The following ZSWIM8 variants were observed in gnomAD, a reference collection of about 807,000 sequenced individuals.
The protein encoded by ZSWIM8 is zinc finger SWIM domain-containing protein 8.
Under a neutral mutation model 173.7 loss-of-function variants are expected in ZSWIM8, and 27 were observed. The ratio of observed to expected loss-of-function variants is 0.16; its 90% CI spans 0.11 to 0.21. The LOEUF (loss-of-function observed/expected upper bound fraction) is 0.21. Ranked by LOEUF, ZSWIM8 falls within the 10% of genes least tolerant of loss-of-function variation. The probability of loss-of-function intolerance (pLI) is 1.00; values close to 1 mark genes in which losing one functional copy is unlikely to be tolerated. For missense variants in ZSWIM8, 1,627 were observed against 2,428.8 expected, an observed-to-expected ratio of 0.67 and a Z score of 6.94; for synonymous variants, 958 against 962.0, an observed-to-expected ratio of 1.00 and a Z score of 0.08.
chr10:73,788,561 T>C, intron 1 of ZSWIM8, 109 bp from the exon 2 acceptor site: 1 of 1,350,796 alleles, frequency 7.4e-7, no homozygotes, highest in Non-Finnish European at 1.0e-6. Flanking sequence ...CTTCTTTCTT[T>C]CATAGTGAAG....
Position 73,785,862 on chromosome 10 carries a change from C to CG in ZSWIM8, c.-11dup. 3 of 1,489,872 alleles carry CG rather than the reference C, an allele frequency of 2.0e-6. No homozygotes were observed. The highest frequency in any genetic ancestry group is 2.3e-5 in the Admixed American group (1 of 42,938). The allele number at this position is 1,489,872 out of a possible 1,614,324, so 92.3% of individuals were successfully genotyped here. On this transcript the variant is annotated 5_prime_UTR_variant, in exon 1 of 26. Transcript: ENST00000604729. ...GGATCCGCGGGGGGGGACCCGGCCC[C>CG]GGGGGGTGCGGGCCCCATGGAGCTG...
At position 73,789,861 on chromosome 10, in the gene ZSWIM8, C is replaced by T. The variant is rs760118385; in HGVS notation, c.738+37C>T. On this transcript the variant is annotated intron_variant, in intron 5 of 25. Transcript: ENST00000604729. This position sits in a 1 kb window ranked among gnomAD's most constrained non-coding sequence, Gnocchi z 6.8. ...CGGCACCCCCTCCTGCAATTAGCTC[C>T]GGGCCAGGCCGCATAACAGCCTTCC... 47 of 1,582,046 alleles carry T rather than the reference C, an allele frequency of 3.0e-5. No individual in the cohort carries two copies. Among genetic ancestry groups the T allele is most frequent in the African/African-American group, 1.6e-4 (12 of 73,996 alleles).
In ZSWIM8 at chr10:73,799,387, C is replaced by T; in HGVS notation, c.4562C>T (p.Pro1521Leu). 3 of 1,612,044 alleles carry T rather than the reference C, an allele frequency of 1.9e-6. No homozygotes were observed. Among genetic ancestry groups the T allele is most frequent in the African/African-American group, 2.7e-5 (2 of 74,964 alleles). Residue 1521 changes from proline to leucine, a missense_variant, in exon 21 of 26, where the codon CCC becomes CTC. Transcript: ENST00000604729. ...TACACTGCTCTACAGCCCCACCTGC[C>T]CTGTAGCCCTCAGTATCTCACTCAC... ...HPYTALQPHL[P>L]CSPQYLTHPA...
At chr10:73,793,475 C>T in intron 10 of ZSWIM8, 113 bp from the exon 11 acceptor site, 1 of 1,250,584 alleles carries the variant, frequency 8.0e-7, no homozygotes, top group Non-Finnish European at 1.1e-6. Flanking sequence ...TGGAGCGGCA[C>T]AGGGCCTGGC....
rs368835288 is a variant in ZSWIM8, at chr10:73,791,822, T to C, written c.1320-37T>C. ...CTACTCCATGCCCATCCTTTCCCAG[T>C]AGCCCCTCAGCAGCCTCCTGCCCCT... is the stretch of plus-strand genomic sequence containing the variant. On this transcript the variant is annotated intron_variant, in intron 9 of 25. Transcript: ENST00000604729. The surrounding 1 kb of genome is among the most constrained non-coding windows in gnomAD (Gnocchi z 6.0). 1.4e-5 allele frequency: 21 copies of C among 1,475,906 alleles called. No individual in the cohort carries two copies. The highest frequency in any genetic ancestry group is 2.3e-5 in the Admixed American group (1 of 42,572). The allele number at this position is 1,475,906 out of a possible 1,614,324, so 91.4% of individuals were successfully genotyped here. A position where few individuals can be genotyped will look rare whatever the true frequency, so the allele number is the denominator to read the frequency against.
intron 19 of ZSWIM8, 43 bp from the exon 20 acceptor site, chr10:73,798,187 G>A (rs776560531): frequency 1.2e-6 from 2 of 1,607,526 alleles, no homozygotes; most frequent in African/African-American, 1.3e-5. Flanking sequence ...CCCCAGTGGT[G>A]CCCACACTAA....
rs1201092820 is a variant in ZSWIM8, at chr10:73,788,724, T to C, written c.263T>C (p.Ile88Thr). 6.2e-7 allele frequency: 1 copy of C among 1,614,010 alleles called. No homozygotes were observed. Among genetic ancestry groups the C allele is most frequent in the South Asian group, 1.1e-5 (1 of 91,088 alleles). Residue 88 changes from isoleucine to threonine, a missense_variant, in exon 2 of 26, where the codon ATC becomes ACC. Coordinates refer to ENST00000604729, the MANE Select transcript of ZSWIM8 (RefSeq NM_001367799.1). Reference protein sequence around the residue: ...ELSAKQVAFHIPFEVVEKVYP... With the variant: ...ELSAKQVAFHTPFEVVEKVYP... ...TCAGCAAAGCAGGTGGCATTTCATATCCCATTTGAAGTGGTGGAGAAAGTT... is the reference window on the plus strand; with the variant it reads ...TCAGCAAAGCAGGTGGCATTTCATACCCCATTTGAAGTGGTGGAGAAAGTT...
chr10:73,798,208 C>T lies in ZSWIM8; in HGVS notation c.3953-22C>T, dbSNP rs916303781. 5 of 1,611,938 alleles carry T rather than the reference C, an allele frequency of 3.1e-6. No individual in the cohort carries two copies. In the African/African-American group the frequency reaches 5.3e-5, roughly 17 times the overall value. On this transcript the variant is annotated intron_variant, in intron 19 of 25. Coordinates refer to ENST00000604729, the MANE Select transcript of ZSWIM8 (RefSeq NM_001367799.1). ...TGGTGCCCACACTAACCCAACTCTGCCCTTCTCTCCTTTCCCCTAAGGCCA... is the reference window on the plus strand; with the variant it reads ...TGGTGCCCACACTAACCCAACTCTGTCCTTCTCTCCTTTCCCCTAAGGCCA...
rs760035504 is a variant in ZSWIM8, at chr10:73,792,230, G to A, written c.1691G>A (p.Arg564His). Residue 564 changes from arginine (R) to histidine (H), a missense_variant, in exon 10 of 26, where the codon CGC becomes CAC. Physicochemically the swap from Arg to His is conservative, Grantham distance 29. Around this residue, in one of 18 missense-constraint regions of ZSWIM8, gnomAD observed 383 missense variants for 394.8 expected, o/e 0.97. Coordinates refer to ENST00000604729, the MANE Select transcript of ZSWIM8 (RefSeq NM_001367799.1). This position sits in a 1 kb window ranked among gnomAD's most constrained non-coding sequence, Gnocchi z 4.3. The stretch of plus-strand genomic sequence containing the variant: ...GTCCCCTCATCACAGCGGGGTCCCC[G>A]CCGCCTCTCAGCTGAAGGGGGAGAT... ...EGVPSSQRGPRRLSAEGGDKA... is the reference protein window; with the variant it reads ...EGVPSSQRGPHRLSAEGGDKA... The A allele has an allele frequency of 9.6e-6, 15 of 1,557,382 alleles. No homozygotes were observed. The South Asian group carries it at 1.3e-4, about 14-fold the overall frequency.
intron 10 of ZSWIM8, among the ~76,000 whole-genome samples, 169 bp from the exon 11 acceptor site, chr10:73,793,419 G>T (rs1004510933): frequency 1.3e-5 from 2 of 152,168 alleles, no homozygotes; most frequent in African/African-American, 4.8e-5. Context: ...CTGGCATCAC[G>T]GTGGCATGTG....
At position 73,797,189 on chromosome 10, in the gene ZSWIM8, T is replaced by C. The variant is rs760369524; in HGVS notation, c.3351T>C (p.Pro1117=). 3 of 1,613,986 alleles carry C rather than the reference T, an allele frequency of 1.9e-6. No individual in the cohort carries two copies. The highest frequency in any genetic ancestry group is 2.5e-6 in the Non-Finnish European group (3 of 1,179,874). Residue 1117 remains proline, a synonymous_variant, in exon 17 of 26, where the codon CCT becomes CCC. Coordinates refer to ENST00000604729, the MANE Select transcript of ZSWIM8 (RefSeq NM_001367799.1). This position sits in a 1 kb window ranked among gnomAD's most constrained non-coding sequence, Gnocchi z 5.6. ...ALTPRPEGKV[P]SRLALGSRGG... ...CCCCAAGGCCAGAAGGGAAGGTTCC[T>C]AGCCGCTTGGCACTTGGCAGTCGTG...
chr10:73,786,201 AGG>A (rs1491486765), intron 1 of ZSWIM8, 115 bp downstream of exon 1: 6 of 1,198,958 alleles, frequency 5.0e-6, no homozygotes, highest in Non-Finnish European at 6.7e-6. Context: ...AGGGGAAGAA[AGG>A]GGAGCTGTCC....
chr10:73,795,286 G>C (rs1281950755), intron 14 of ZSWIM8, among the ~76,000 whole-genome samples: 1 of 152,230 alleles, frequency 6.6e-6, no homozygotes, highest in South Asian at 2.1e-4. Flanking sequence ...TCATGAGAAT[G>C]AGGAGGCCAG....
chr10:73,790,938 C>A, intron 7 of ZSWIM8, 37 bp from the exon 8 acceptor site: 1 of 1,578,958 alleles, frequency 6.3e-7, no homozygotes, highest in South Asian at 1.1e-5. Flanking sequence ...TCAGCCCCGT[C>A]TTACTGTCAT....
rs1167116598 is a variant in ZSWIM8 at position 73,788,818 on chromosome 10, C to T, written c.357C>T (p.Asp119=). Residue 119 remains aspartate, a synonymous_variant, in exon 2 of 26, where the codon GAC becomes GAT. Transcript: ENST00000604729. ...GGAGCTTCCCTGAGAATGAAGAGGA[C>T]ATTCGGTGAGGCCAAAGGACTGATG... The part of the protein sequence containing the change: ...AFWSFPENEE[D]IRLYSCLANG... 3 of 1,613,526 alleles carry T rather than the reference C, an allele frequency of 1.9e-6. No homozygotes were observed. The highest frequency in any genetic ancestry group is 1.1e-5 in the South Asian group (1 of 91,058).
At chr10:73,790,907 G>A (rs764843075) in intron 7 of ZSWIM8, 68 bp from the exon 8 acceptor site, 35 of 1,437,610 alleles carry the variant, frequency 2.4e-5, no homozygotes, top group Non-Finnish European at 2.9e-5. Flanking sequence ...TTTTGGGGCC[G>A]GAAGCCCTTT....
chr10:73,796,804 C>G lies in ZSWIM8; in HGVS notation c.3064C>G (p.Gln1022Glu). ...AGACAAACTCTTGGACCGAGAGAGC[C>G]AGACACATAAGCCACAGACGCTGAG... ...ILDKLLDRES[Q>E]THKPQTLSSF... Residue 1022 changes from glutamine to glutamate, a missense_variant, in exon 16 of 26, where the codon CAG becomes GAG. Around this residue, in one of 18 missense-constraint regions of ZSWIM8, gnomAD observed 163 missense variants for 193.2 expected, o/e 0.84. Transcript: ENST00000604729. The G allele has an allele frequency of 6.2e-7, 1 of 1,613,942 alleles. No individual in the cohort carries two copies. The highest frequency in any genetic ancestry group is 8.5e-7 in the Non-Finnish European group (1 of 1,179,902).
At position 73,791,531 on chromosome 10, in the gene ZSWIM8, G is replaced by A; in HGVS notation, c.1319+32G>A. 1 of 1,558,570 alleles carries A rather than the reference G, an allele frequency of 6.4e-7. No individual in the cohort carries two copies. Among genetic ancestry groups the A allele is most frequent in the Non-Finnish European group, 8.7e-7 (1 of 1,146,186 alleles). On this transcript the variant is annotated intron_variant, in intron 9 of 25. Transcript: ENST00000604729. The surrounding 1 kb of genome is among the most constrained non-coding windows in gnomAD (Gnocchi z 6.0). The stretch of plus-strand genomic sequence containing the variant: ...CTCCCCTGAGGCTCACCACAGAACT[G>A]AGCCTGGGCCAGCTCAGGACAGACT...
chr10:73,792,970 C>A lies in ZSWIM8; in HGVS notation c.2313+118C>A. 1.6e-6 allele frequency: 2 copies of A among 1,258,622 alleles called. No individual in the cohort carries two copies. Among genetic ancestry groups the A allele is most frequent in the Non-Finnish European group, 2.2e-6 (2 of 924,506 alleles). The allele number at this position is 1,258,622 out of a possible 1,614,324, so 78.0% of individuals were successfully genotyped here. A position where few individuals can be genotyped will look rare whatever the true frequency, so the allele number is the denominator to read the frequency against. On this transcript the variant is annotated intron_variant, in intron 10 of 25. Coordinates refer to ENST00000604729, the MANE Select transcript of ZSWIM8 (RefSeq NM_001367799.1). The surrounding 1 kb of genome is among the most constrained non-coding windows in gnomAD (Gnocchi z 4.3). Reference sequence around the variant, plus strand: ...AGGATTGTGAGAACCCTGTTGCAGGCGCCGAACTGGTCTCCCTGCTTTCAG... The same window carrying A: ...AGGATTGTGAGAACCCTGTTGCAGGAGCCGAACTGGTCTCCCTGCTTTCAG...
Sources: gnomAD v4.1 joint callset for allele counts (sites outside exome capture counted in the v4.1 genomes callset) on GRCh38, gnomAD v4.1.1 for gene constraint, gnomAD v4.1.1 regional missense constraint, Gnocchi (gnomAD v3.1) non-coding constraint, MANE v1.5 for transcripts, NCBI Gene and HGNC (gene_info 2026-07-23, HGNC 2026-07-21) for gene names.